The following TMEM135 variants were observed in gnomAD, a reference collection of about 807,000 sequenced individuals.
TMEM135 encodes transmembrane protein 135, also known as peroxisomal membrane protein 52.
In TMEM135, 30 loss-of-function variants were observed where a neutral mutation model predicts 60.3. That is an observed-to-expected ratio of 0.50 (90% confidence interval 0.37 to 0.68). TMEM135 has a LOEUF of 0.68. TMEM135 is among the 30% of genes least tolerant of loss of function. TMEM135 has a pLI of 0.00. For synonymous variants in TMEM135, 190 were observed against 186.7 expected, an observed-to-expected ratio of 1.02 and a Z score of -0.14; for missense variants, 468 against 548.8, an observed-to-expected ratio of 0.85 and a Z score of 1.47.
At chr11:87,082,604 A>C (rs529823105) in intron 3 of TMEM135, among the ~76,000 whole-genome samples, 3 of 151,998 alleles carry the variant, frequency 2.0e-5, no homozygotes, top group African/African-American at 4.8e-5. Context: ...AAAAATGGAA[A>C]GTTTTCCTCT....
intron 5 of TMEM135, among the ~76,000 whole-genome samples, chr11:87,225,048 A>G (rs1186920949): frequency 2.0e-5 from 3 of 152,142 alleles, no homozygotes; most frequent in Non-Finnish European, 4.4e-5. Context: ...TGTTCATTGT[A>G]TAGGTAACGA....
rs549581876 is a variant in TMEM135, at chr11:87,283,287, C to T, written c.510-12495C>T. Among the ~76,000 whole-genome samples, 63 of 150,316 alleles carry T rather than the reference C, an allele frequency of 4.2e-4. 1 individual carries two copies. Among genetic ancestry groups the T allele is most frequent in the African/African-American group, 1.4e-3 (57 of 40,964 alleles). The stretch of plus-strand genomic sequence containing the variant: ...GGTGGAGGTTGCAGTGAGCCGAGAC[C>T]GTGCCATTGCACTCCAGCCTGGGCA... On this transcript the variant is annotated intron_variant, in intron 6 of 14. Coordinates refer to ENST00000305494, the MANE Select transcript of TMEM135 (RefSeq NM_022918.4).
chr11:87,303,890 C>G (rs1942489844), intron 8 of TMEM135, among the ~76,000 whole-genome samples: 1 of 152,118 alleles, frequency 6.6e-6, no homozygotes, highest in Non-Finnish European at 1.5e-5. Context: ...CAGAACTGAT[C>G]AGGTCATGAC....
chr11:87,232,115 T>A (rs1445302841), intron 5 of TMEM135, among the ~76,000 whole-genome samples: 1 of 152,116 alleles, frequency 6.6e-6, no homozygotes, highest in Non-Finnish European at 1.5e-5. Flanking sequence ...TATGACTGAC[T>A]AATTTTTGTA....
chr11:87,231,744 A>G (rs749026440), intron 5 of TMEM135, among the ~76,000 whole-genome samples: 22 of 152,142 alleles, frequency 1.4e-4, no homozygotes, highest in Non-Finnish European at 2.9e-4. Flanking sequence ...AGTTATCATA[A>G]CTGAATTTTA....
At chr11:87,263,003 G>A (rs11600895) in intron 6 of TMEM135, among the ~76,000 whole-genome samples, 53,360 of 150,238 alleles carry the variant, frequency 0.36, 9,932 homozygotes, top group Non-Finnish European at 0.42. Flanking sequence ...AGTTTTCATG[G>A]AAAAAAAAAA....
At position 87,295,181 on chromosome 11, in the gene TMEM135, T is replaced by C. The variant is rs565744794; in HGVS notation, c.510-601T>C. On this transcript the variant is annotated intron_variant, in intron 6 of 14. Coordinates refer to ENST00000305494, the MANE Select transcript of TMEM135 (RefSeq NM_022918.4). ...AGCTGAAAACAGTGCCCAGCTATAG[T>C]GAGCACTCAATAAATACCATTTAGA... Among the ~76,000 whole-genome samples the C allele has an allele frequency of 2.0e-5, 3 of 152,290 alleles. No individual in the cohort carries two copies. In the South Asian group the frequency reaches 6.2e-4, roughly 32 times the overall value.
intron 4 of TMEM135, among the ~76,000 whole-genome samples, chr11:87,099,139 G>A (rs1001363286): frequency 4.6e-5 from 7 of 151,944 alleles, no homozygotes; most frequent in Admixed American, 3.3e-4. Context: ...AGTAGCACAC[G>A]CTGTGTACTT....
chr11:87,144,048 A>G (rs1007968086), intron 4 of TMEM135, among the ~76,000 whole-genome samples: 1 of 152,162 alleles, frequency 6.6e-6, no homozygotes, highest in African/African-American at 2.4e-5. Context: ...TTACCTCACC[A>G]TTATTAGATG....
intron 4 of TMEM135, among the ~76,000 whole-genome samples, chr11:87,101,956 A>G (rs1046790715): frequency 2.0e-5 from 3 of 152,134 alleles, no homozygotes; most frequent in Admixed American, 2.0e-4. Context: ...CTGGGCAACA[A>G]GAGCAAAACT....
chr11:87,064,262 C>CTT (rs57086268), intron 1 of TMEM135, among the ~76,000 whole-genome samples: 83 of 143,082 alleles, frequency 5.8e-4, no homozygotes, highest in African/African-American at 1.2e-3. Flanking sequence ...CGAATGACTC[C>CTT]TTTTTTTTTT....
At chr11:87,282,309 G>A (rs1942075079) in intron 6 of TMEM135, among the ~76,000 whole-genome samples, 1 of 151,902 alleles carries the variant, frequency 6.6e-6, no homozygotes, top group South Asian at 2.1e-4. Context: ...TTGTTGCCCA[G>A]CCTGGAGTGC....
chr11:87,069,512 T>G (rs563078242), intron 2 of TMEM135, among the ~76,000 whole-genome samples: 4 of 152,060 alleles, frequency 2.6e-5, no homozygotes, highest in Non-Finnish European at 5.9e-5. Context: ...TGTTCCTAAT[T>G]GGGTAGATGA....
intron 7 of TMEM135, among the ~76,000 whole-genome samples, chr11:87,296,963 G>C (rs1269522131): frequency 1.3e-5 from 2 of 152,058 alleles, no homozygotes; most frequent in Admixed American, 1.3e-4. Flanking sequence ...AGACCTAGGG[G>C]AGAAAAAAGA....
At chr11:87,312,303 A>C (rs1942653402) in intron 10 of TMEM135, among the ~76,000 whole-genome samples, 1 of 151,394 alleles carries the variant, frequency 6.6e-6, no homozygotes, top group Admixed American at 6.6e-5. Flanking sequence ...TATAATATAC[A>C]TTTTTAATGT....
chr11:87,191,307 C>A (rs1341445183), intron 5 of TMEM135, among the ~76,000 whole-genome samples: 1 of 151,740 alleles, frequency 6.6e-6, no homozygotes, highest in East Asian at 1.9e-4. Context: ...GTGGCACGAT[C>A]TCGGCTCACT....
intron 6 of TMEM135, chr11:87,259,249 C>T (rs932732903): frequency 4.7e-5 from 20 of 429,892 alleles, no homozygotes; most frequent in African/African-American, 2.6e-4. Context: ...GGTTCCCCTG[C>T]GACAGCGGCC....
Position 87,326,767 on chromosome 11 carries a change from AG to A in TMEM135, c.*5435del, listed in dbSNP as rs574912484. 266 of 446,220 alleles carry A rather than the reference AG, an allele frequency of 6.0e-4. 1 individual carries two copies. Among genetic ancestry groups the A allele is most frequent in the African/African-American group, 4.9e-3 (244 of 49,382 alleles). The allele number at this position is 446,220 out of a possible 1,614,324, so 27.6% of individuals were successfully genotyped here. ...AAATAATATCTGCAAAGCTTCAGGA[AG>A]AAATTCAGTTGCATCTGAATCTGAG... On this transcript the variant is annotated 3_prime_UTR_variant, in exon 15 of 15. Coordinates refer to ENST00000305494, the MANE Select transcript of TMEM135 (RefSeq NM_022918.4).
intron 4 of TMEM135, among the ~76,000 whole-genome samples, chr11:87,115,980 G>T (rs1400354346): frequency 6.6e-6 from 1 of 151,856 alleles, no homozygotes; most frequent in Non-Finnish European, 1.5e-5. Context: ...CTATTTTTAA[G>T]AATATAGATT....
Sources: allele counts gnomAD v4.1 joint callset (sites outside exome capture counted in the v4.1 genomes callset), GRCh38; gene constraint gnomAD v4.1.1; transcripts MANE v1.5; gene names NCBI Gene and HGNC (gene_info 2026-07-23, HGNC 2026-07-21).